ACADSB: variants seen among roughly 807,000 people sequenced by gnomAD.
ACADSB encodes the protein acyl-CoA dehydrogenase short/branched chain.
ACADSB carries 40 observed loss-of-function variants against 54.1 expected under a neutral mutation model. That is an observed-to-expected ratio of 0.74 (90% confidence interval 0.57 to 0.96). The LOEUF (loss-of-function observed/expected upper bound fraction) is 0.96, where lower values mean the gene tolerates loss of function less well. ACADSB is among the 40% of genes least tolerant of loss of function. ACADSB has a pLI of 0.00. For missense variants in ACADSB, 530 were observed against 510.4 expected (o/e 1.04, Z -0.37); for synonymous variants, 182 against 182.8 (o/e 1.00, Z 0.03).
At chr10:123,021,749 C>A (rs1352729049) in intron 1 of ACADSB, among the ~76,000 whole-genome samples, 1 of 152,178 alleles carries the variant, frequency 6.6e-6, no homozygotes, top group Non-Finnish European at 1.5e-5. Context: ...GGAAAACATG[C>A]AGTTTCTATG....
At position 123,052,748 on chromosome 10, in the gene ACADSB, C is replaced by T. The variant is rs1473816547; in HGVS notation, c.1129-313C>T. The T allele has an allele frequency of 5.8e-6, 2 of 345,706 alleles. No individual in the cohort carries two copies. Among genetic ancestry groups the T allele is most frequent in the Non-Finnish European group, 1.1e-5 (2 of 181,578 alleles). The allele number at this position is 345,706 out of a possible 1,614,324, so 21.4% of individuals were successfully genotyped here. A position where few individuals can be genotyped will look rare whatever the true frequency, so the allele number is the denominator to read the frequency against. ...AGGATTTCGACGTGTTGGTCCTCAG[C>T]TTGAAATGTCCCTTAGCTCGTCCGT... On this transcript the variant is annotated intron_variant, in intron 9 of 10. Transcript: ENST00000358776. The surrounding 1 kb of genome is among the most constrained non-coding windows in gnomAD (Gnocchi z 4.2).
At chr10:123,023,738 A>T (rs1850212778) in intron 1 of ACADSB, among the ~76,000 whole-genome samples, 1 of 152,246 alleles carries the variant, frequency 6.6e-6, no homozygotes. Context: ...CCCTGCTTAG[A>T]ACAGCAGCAC....
intron 3 of ACADSB, among the ~76,000 whole-genome samples, chr10:123,040,010 C>T (rs181217606): frequency 6.6e-6 from 1 of 151,748 alleles, no homozygotes; most frequent in East Asian, 1.9e-4. Flanking sequence ...AATTGCTATA[C>T]CAAATTAAAA....
intron 1 of ACADSB, among the ~76,000 whole-genome samples, chr10:123,011,006 A>C (rs1850026854): frequency 6.6e-6 from 1 of 152,146 alleles, no homozygotes; most frequent in African/African-American, 2.4e-5. Context: ...AAACTGCAAC[A>C]AAAGGGGACT....
chr10:123,023,616 G>A (rs949257282), intron 1 of ACADSB, among the ~76,000 whole-genome samples: 4 of 152,096 alleles, frequency 2.6e-5, no homozygotes, highest in African/African-American at 7.2e-5. Context: ...CCAAAACTGC[G>A]GGTAAAGCAG....
chr10:123,015,384 G>A (rs1850097850), intron 1 of ACADSB, among the ~76,000 whole-genome samples: 1 of 152,100 alleles, frequency 6.6e-6, no homozygotes, highest in South Asian at 2.1e-4. Context: ...ATGCCACCTT[G>A]TCTAAGAAGG....
At position 123,053,139 on chromosome 10, in the gene ACADSB, T is replaced by C. The variant is rs1352097260; in HGVS notation, c.1207T>C (p.Tyr403His). Residue 403 changes from tyrosine (Y) to histidine (H), a missense_variant, in exon 10 of 11, where the codon TAC becomes CAC. Transcript: ENST00000358776. ...GYTKDYPVEK[Y>H]FRDAKIGTIY... Reference sequence around the variant, plus strand: ...CACCAAAGATTACCCTGTGGAGAAATACTTCCGAGATGCAAAGATTGGTAA... The same window carrying C: ...CACCAAAGATTACCCTGTGGAGAAACACTTCCGAGATGCAAAGATTGGTAA... 6.2e-7 allele frequency: 1 copy of C among 1,612,424 alleles called. No homozygotes were observed. The highest frequency in any genetic ancestry group is 1.7e-5 in the Admixed American group (1 of 59,894).
At position 123,053,088 on chromosome 10, in the gene ACADSB, A is replaced by G. The variant is rs770827167; in HGVS notation, c.1156A>G (p.Ile386Val). The change falls in exon 10 of 11, where the codon ATC (isoleucine) becomes GTC (valine). Residue 386 changes from isoleucine (I) to valine (V), a missense_variant. Physicochemically the swap from Ile to Val is conservative, Grantham distance 29 (BLOSUM62 3). Coordinates refer to ENST00000358776, the MANE Select transcript of ACADSB (RefSeq NM_001609.4). ...TGCAGGACAAACAACGAGTAAATGT[A>G]TCGAGTGGATGGGGGGAGTAGGCTA... Reference protein sequence around the residue: ...EIAGQTTSKCIEWMGGVGYTK... With the variant: ...EIAGQTTSKCVEWMGGVGYTK... The G allele has an allele frequency of 1.1e-4, 172 of 1,614,074 alleles. 2 individuals are homozygous for G. In the South Asian group the frequency reaches 1.7e-3, roughly 16 times the overall value.
At position 123,041,394 on chromosome 10, in the gene ACADSB, G is replaced by A. The variant is rs1247727671; in HGVS notation, c.681+15G>A. 10 of 1,613,880 alleles carry A rather than the reference G, an allele frequency of 6.2e-6. No homozygotes were observed. Among genetic ancestry groups the A allele is most frequent in the Middle Eastern group, 1.7e-4 (1 of 6,060 alleles). On this transcript the variant is annotated intron_variant, in intron 5 of 10. Transcript: ENST00000358776. ...ACCCTACCATTGTAAGTTTGAAAAC[G>A]AAATTTCTTTCTTTTTCCAAACCCC...
At chr10:123,010,531 G>T (rs1402491313) in intron 1 of ACADSB, among the ~76,000 whole-genome samples, 1 of 152,226 alleles carries the variant, frequency 6.6e-6, no homozygotes, top group East Asian at 1.9e-4. Flanking sequence ...TAGCTAGGCT[G>T]CTTGGATCTG....
At chr10:123,040,757 G>A (rs546175734) in intron 4 of ACADSB, 85 bp downstream of exon 4, 9 of 1,285,786 alleles carry the variant, frequency 7.0e-6, no homozygotes, top group South Asian at 2.4e-5. Context: ...CTGCAATGTC[G>A]ACTTTACTAT....
chr10:123,033,266 G>A (rs9423252), intron 1 of ACADSB, among the ~76,000 whole-genome samples: 2,345 of 152,224 alleles, frequency 0.015, 57 homozygotes, highest in East Asian at 0.11. Context: ...TCTTGTTCCC[G>A]GGTGAATCCA....
intron 5 of ACADSB, among the ~76,000 whole-genome samples, chr10:123,042,738 G>A (rs1265148519): frequency 2.0e-5 from 3 of 151,880 alleles, no homozygotes; most frequent in Admixed American, 6.6e-5. Flanking sequence ...ATGAGCCACC[G>A]CACCTGGCCT....
At chr10:123,041,070 A>G in intron 4 of ACADSB, 139 bp from the exon 5 acceptor site, 1 of 954,722 alleles carries the variant, frequency 1.0e-6, no homozygotes, top group Non-Finnish European at 1.6e-6. Context: ...TCAGAATACC[A>G]TTGCTATTTT....
intron 8 of ACADSB, among the ~76,000 whole-genome samples, chr10:123,048,504 T>A (rs1053231754): frequency 3.9e-5 from 6 of 152,100 alleles, no homozygotes; most frequent in Non-Finnish European, 8.8e-5. Flanking sequence ...CCACAAAGAT[T>A]GCAGTGAAAG....
intron 10 of ACADSB, among the ~76,000 whole-genome samples, 175 bp downstream of exon 10, chr10:123,053,335 AATTGTTCTAT>A (rs1319628771): frequency 6.6e-6 from 1 of 152,148 alleles, no homozygotes; most frequent in African/African-American, 2.4e-5. Context: ...CTTCAAAAAA[AATTGTTCTAT>A]ATTTTTAAAA....
Position 123,043,086 on chromosome 10 carries a change from C to T in ACADSB, c.722C>T (p.Thr241Ile). Residue 241 changes from threonine to isoleucine, a missense_variant, in exon 6 of 11, where the codon ACT becomes ATT. By Grantham distance (89) the Thr-to-Ile change is moderately conservative. Coordinates refer to ENST00000358776, the MANE Select transcript of ACADSB (RefSeq NM_001609.4). ...ACCTCCTTCTTAGTAGATCGTGATA[C>T]TCCGGGCCTTCATATAGGGAAACCT... ...GITSFLVDRDTPGLHIGKPEN... is the reference protein window; with the variant it reads ...GITSFLVDRDIPGLHIGKPEN... 5 of 1,613,804 alleles carry T rather than the reference C, an allele frequency of 3.1e-6. No homozygotes were observed. The highest frequency in any genetic ancestry group is 4.2e-6 in the Non-Finnish European group (5 of 1,179,760).
intron 1 of ACADSB, among the ~76,000 whole-genome samples, chr10:123,030,192 G>GC (rs1850307271): frequency 1.3e-5 from 2 of 152,236 alleles, no homozygotes; most frequent in Admixed American, 1.3e-4. Context: ...CAAAGTGATT[G>GC]CAACAGTGAT....
chr10:123,040,551 A>C lies in ACADSB; in HGVS notation c.389A>C (p.Lys130Thr). ...STVLVIEELA[K>T]VDASVAVFCE... Reference sequence around the variant, plus strand: ...GTGCTCGTGATAGAGGAATTAGCCAAAGTTGATGCATCTGTGGCTGTCTTT... The same window carrying C: ...GTGCTCGTGATAGAGGAATTAGCCACAGTTGATGCATCTGTGGCTGTCTTT... The change falls in exon 4 of 11, where the codon AAA (lysine) becomes ACA (threonine). Residue 130 changes from lysine (K) to threonine (T), a missense_variant. Coordinates refer to ENST00000358776, the MANE Select transcript of ACADSB (RefSeq NM_001609.4). 1.2e-6 allele frequency: 2 copies of C among 1,613,968 alleles called. No homozygotes were observed. Among genetic ancestry groups the C allele is most frequent in the Non-Finnish European group, 1.7e-6 (2 of 1,179,886 alleles).
Sources: allele counts gnomAD v4.1 joint callset (sites outside exome capture counted in the v4.1 genomes callset), GRCh38; gene constraint gnomAD v4.1.1; non-coding constraint Gnocchi (gnomAD v3.1); transcripts MANE v1.5; gene names NCBI Gene and HGNC (gene_info 2026-07-23, HGNC 2026-07-21).